The following FPGS variants were observed in gnomAD, a reference collection of about 807,000 sequenced individuals.
FPGS encodes folylpolyglutamate synthase, mitochondrial.
A neutral mutation model predicts 66.5 loss-of-function variants in FPGS; 53 were observed. The ratio of observed to expected loss-of-function variants is 0.80; its 90% CI spans 0.64 to 1.00. The LOEUF (loss-of-function observed/expected upper bound fraction) is 1.00, where lower values mean the gene tolerates loss of function less well. FPGS is among the 50% of genes least tolerant of loss of function. FPGS has a pLI of 0.00. For missense variants in FPGS, 702 were observed against 807.7 expected, an observed-to-expected ratio of 0.87 and a Z score of 1.59; for synonymous variants, 348 against 350.9, an observed-to-expected ratio of 0.99 and a Z score of 0.09.
chr9:127,813,291 C>A lies in FPGS; in HGVS notation c.1451C>A (p.Pro484Gln). Reference sequence around the variant, plus strand: ...CACCTGGACGAAGAGCAGGCCAGCCCGGACCTCTGGAGTGCCCCCAGCCCA... The same window carrying A: ...CACCTGGACGAAGAGCAGGCCAGCCAGGACCTCTGGAGTGCCCCCAGCCCA... ...WNHLDEEQASPDLWSAPSPEP... is the reference protein window; with the variant it reads ...WNHLDEEQASQDLWSAPSPEP... The change falls in exon 15 of 15, where the codon CCG (proline) becomes CAG (glutamine). Residue 484 changes from proline (P) to glutamine (Q), a missense_variant. By Grantham distance (76) the Pro-to-Gln change is moderately conservative (BLOSUM62 -1). Transcript: ENST00000373247. 6.2e-7 allele frequency: 1 copy of A among 1,613,120 alleles called. No homozygotes were observed. The highest frequency in any genetic ancestry group is 8.5e-7 in the Non-Finnish European group (1 of 1,179,968).
chr9:127,806,214 C>A (rs1829800825), intron 4 of FPGS, among the ~76,000 whole-genome samples: 1 of 151,582 alleles, frequency 6.6e-6, no homozygotes, highest in South Asian at 2.1e-4. Context: ...ACTAAAAATA[C>A]CAAAAAATTG....
Position 127,806,979 on chromosome 9 carries a change from C to T in FPGS, c.393C>T (p.Pro131=), listed in dbSNP as rs781277104. The change falls in exon 5 of 15, where the codon CCC becomes CCT. Residue 131 remains proline, a synonymous_variant. Transcript: ENST00000373247. ...ACCCCAGCTGTCCCGGCAGCTCTCC[C>T]CACCTGGTGCAGGTTCGGGAGCGGA... ...YGLKTGFFSS[P]HLVQVRERIR... 16 of 1,613,644 alleles carry T rather than the reference C, an allele frequency of 9.9e-6. No homozygotes were observed. The highest frequency in any genetic ancestry group is 1.3e-5 in the African/African-American group (1 of 74,896).
intron 4 of FPGS, among the ~76,000 whole-genome samples, chr9:127,806,062 A>G (rs1160162143): frequency 6.6e-6 from 1 of 152,132 alleles, no homozygotes; most frequent in African/African-American, 2.4e-5. Context: ...TAAGGCACCA[A>G]CCTGTCTTCT....
intron 1 of FPGS, among the ~76,000 whole-genome samples, chr9:127,803,626 C>T (rs2131841762): frequency 6.6e-6 from 1 of 152,172 alleles, no homozygotes; most frequent in South Asian, 2.1e-4. Context: ...GCCAGTGAGG[C>T]GGGTGGCACT....
chr9:127,806,075 A>C (rs1007271329), intron 4 of FPGS, among the ~76,000 whole-genome samples: 6 of 152,178 alleles, frequency 3.9e-5, no homozygotes, highest in African/African-American at 1.4e-4. Flanking sequence ...TGTCTTCTAA[A>C]ATCACTTTTT....
At chr9:127,810,517 T>C (rs1830030752) in intron 13 of FPGS, among the ~76,000 whole-genome samples, 1 of 152,100 alleles carries the variant, frequency 6.6e-6, no homozygotes, top group Non-Finnish European at 1.5e-5. Flanking sequence ...GGCCTTTCTC[T>C]GCTTGGGGAA....
At chr9:127,808,521 G>T in intron 9 of FPGS, 37 bp from the exon 10 acceptor site, 8 of 1,609,786 alleles carry the variant, frequency 5.0e-6, no homozygotes, top group Non-Finnish European at 6.8e-6. Flanking sequence ...TGGTCAGGGA[G>T]GGCCTCTGCT....
Position 127,802,989 on chromosome 9 carries a change from T to C in FPGS, c.65T>C (p.Ile22Thr), listed in dbSNP as rs1216439772. ...LFLAAASARG[I>T]TTQVAARRGL... ...CTGGCAGCGGCGTCTGCGCGCGGCA[T>C]AACGACCCAGGTCGCGGCGCGGCGG... Residue 22 changes from isoleucine to threonine, a missense_variant, in exon 1 of 15, where the codon ATA becomes ACA. Coordinates refer to ENST00000373247, the MANE Select transcript of FPGS (RefSeq NM_004957.6). 1 of 1,464,386 alleles carries C rather than the reference T, an allele frequency of 6.8e-7. No homozygotes were observed. The highest frequency in any genetic ancestry group is 9.0e-7 in the Non-Finnish European group (1 of 1,117,274). The allele number at this position is 1,464,386 out of a possible 1,614,324, so 90.7% of individuals were successfully genotyped here.
Position 127,809,832 on chromosome 9 carries a change from C to T in FPGS, c.1209C>T (p.Ser403=), listed in dbSNP as rs1195785613. 5 of 728,250 alleles carry T rather than the reference C, an allele frequency of 6.9e-6. No homozygotes were observed. Among genetic ancestry groups the T allele is most frequent in the Non-Finnish European group, 9.7e-6 (5 of 513,546 alleles). The allele number at this position is 728,250 out of a possible 1,614,324, so 45.1% of individuals were successfully genotyped here. ...CGCTGCAGGGCCGCGAGAGGCCGAG[C>T]GGGTGAGGGGCAGGGCTGGGGGTGG... ...RQALQGRERP[S]GGPEVRVLLF... The change falls in exon 12 of 15, where the codon AGC becomes AGT. Residue 403 remains serine, a splice_region_variant and synonymous_variant. Transcript: ENST00000373247.
intron 14 of FPGS, among the ~76,000 whole-genome samples, chr9:127,812,765 G>A (rs1258326572): frequency 6.6e-6 from 1 of 152,130 alleles, no homozygotes; most frequent in Non-Finnish European, 1.5e-5. Context: ...GACCTCAGGT[G>A]ATCCGCCCGC....
In FPGS at chr9:127,809,790, G is replaced by T. The variant is rs1588560025; in HGVS notation, c.1167G>T (p.Val389=). Residue 389 remains valine (V), a synonymous_variant, in exon 12 of 15, where the codon GTG becomes GTT. Transcript: ENST00000373247. The stretch of plus-strand genomic sequence containing the variant: ...CCGCCAGCAGCGCGCAGGCCTGCGT[G>T]CGCTGGTTCCGCCAGGCGCTGCAGG... ...AHTASSAQAC[V]RWFRQALQGR... 4 of 1,543,310 alleles carry T rather than the reference G, an allele frequency of 2.6e-6. No individual in the cohort carries two copies. Among genetic ancestry groups the T allele is most frequent in the Non-Finnish European group, 3.5e-6 (4 of 1,157,640 alleles).
At chr9:127,805,177 C>T (rs759674529) in intron 4 of FPGS, among the ~76,000 whole-genome samples, 18 of 152,026 alleles carry the variant, frequency 1.2e-4, no homozygotes, top group Non-Finnish European at 2.5e-4. Flanking sequence ...GTGTGAGCCA[C>T]GGTGCCTGGC....
rs1393615889 is a variant in FPGS, at chr9:127,808,832, C to G, written c.1003C>G (p.Leu335Val). 1 of 1,563,732 alleles carries G rather than the reference C, an allele frequency of 6.4e-7. No individual in the cohort carries two copies. The highest frequency in any genetic ancestry group is 8.7e-7 in the Non-Finnish European group (1 of 1,154,372). Residue 335 changes from leucine (L) to valine (V), a missense_variant, in exon 11 of 15, where the codon CTC (leucine) becomes GTC (valine). Transcript: ENST00000373247. ...AGEPKASRPG[L>V]LWQLPLAPVF... ...GGAGCCAAAGGCATCCAGGCCAGGG[C>G]TCCTGTGGCAGCTGCCCCTGGCACC...
rs776664902 is a variant in FPGS, at chr9:127,813,533, G to A, written c.1693G>A (p.Val565Met). Residue 565 changes from valine (V) to methionine (M), a missense_variant, in exon 15 of 15, where the codon GTG (valine) becomes ATG (methionine). Val to Met is a conservative substitution (Grantham distance 21, BLOSUM62 1). Around this residue, in one of 3 missense-constraint regions of FPGS, gnomAD observed 351 missense variants for 363.7 expected, o/e 0.97. Transcript: ENST00000373247. ...ACTCCGTGAGGCTGCTGCCATCCAT[G>A]TGCTAGTCACTGGCAGCCTGCACCT... ...SILREAAAIH[V>M]LVTGSLHLVG... is the part of the protein sequence containing the mutation. The A allele has an allele frequency of 6.2e-7, 1 of 1,606,922 alleles. No homozygotes were observed. The highest frequency in any genetic ancestry group is 2.2e-5 in the East Asian group (1 of 44,776).
rs148686790 is a variant in FPGS at position 127,808,650 on chromosome 9, C to T, written c.915C>T (p.Asn305=). 8.5e-5 allele frequency: 136 copies of T among 1,607,148 alleles called. 1 individual carries two copies. The highest frequency in any genetic ancestry group is 6.6e-4 in the South Asian group (59 of 89,946). Reference sequence around the variant, plus strand: ...TGGAGGGGGAGCACCAGCGGTCCAACGCCGCCTTGGCCTTGCAGCTGGCCC... The same window carrying T: ...TGGAGGGGGAGCACCAGCGGTCCAATGCCGCCTTGGCCTTGCAGCTGGCCC... The part of the protein sequence containing the change: ...LGLEGEHQRS[N]AALALQLAHC... The change falls in exon 10 of 15, where the codon AAC becomes AAT. Residue 305 remains asparagine (N), a synonymous_variant. Coordinates refer to ENST00000373247, the MANE Select transcript of FPGS (RefSeq NM_004957.6).
intron 14 of FPGS, 44 bp from the exon 15 acceptor site, chr9:127,813,151 C>T (rs1421410726): frequency 1.2e-5 from 18 of 1,520,886 alleles, no homozygotes; most frequent in East Asian, 2.3e-5. Flanking sequence ...CTGTCCCTTA[C>T]TCCCTCTCCC....
intron 14 of FPGS, among the ~76,000 whole-genome samples, chr9:127,812,660 C>T (rs549348763): frequency 6.6e-6 from 1 of 152,116 alleles, no homozygotes; most frequent in East Asian, 1.9e-4. Flanking sequence ...TGTGCCACCA[C>T]ACCTGGCTAA....
Position 127,813,902 on chromosome 9 carries a change from C to A in FPGS, c.*298C>A. 2 of 1,183,882 alleles carry A rather than the reference C, an allele frequency of 1.7e-6. No homozygotes were observed. Among genetic ancestry groups the A allele is most frequent in the Non-Finnish European group, 2.1e-6 (2 of 957,678 alleles). The allele number at this position is 1,183,882 out of a possible 1,614,324, so 73.3% of individuals were successfully genotyped here. ...CGCCTGCCTCCTGGCTCAGGCCCAG[C>A]TTATTGTGTGCGCTGCCTGGCCAGG... On this transcript the variant is annotated 3_prime_UTR_variant, in exon 15 of 15. Transcript: ENST00000373247.
chr9:127,812,665 GGCTAATTTTTGTCCA>G (rs2131861527), intron 14 of FPGS, among the ~76,000 whole-genome samples: 1 of 151,788 alleles, frequency 6.6e-6, no homozygotes, highest in South Asian at 2.1e-4. Context: ...CACCACACCT[GGCTAATTTTTGTCCA>G]GCTAATTTTT....
Sources: allele counts gnomAD v4.1 joint callset (sites outside exome capture counted in the v4.1 genomes callset), GRCh38; gene constraint gnomAD v4.1.1; regional missense constraint gnomAD v4.1.1; transcripts MANE v1.5; gene names NCBI Gene and HGNC (gene_info 2026-07-23, HGNC 2026-07-21).